PARD3B: variants seen among roughly 807,000 people sequenced by gnomAD.
PARD3B encodes par-3 family cell polarity regulator beta, also known as partitioning defective 3 homolog B.
PARD3B carries 103 observed loss-of-function variants against 130.2 expected under a neutral mutation model. That is an observed-to-expected ratio of 0.79 (90% CI 0.67 to 0.93). The LOEUF (loss-of-function observed/expected upper bound fraction) is 0.93, where lower values mean the gene tolerates loss of function less well. Ranked by LOEUF, PARD3B falls within the 40% of genes least tolerant of loss-of-function variation. The pLI is 0.00. For missense variants in PARD3B, 1,609 were observed against 1,499.2 expected (o/e 1.07, Z -1.21); for synonymous variants, 583 against 553.2 (o/e 1.05, Z -0.76).
At chr2:205,605,316 T>TTTGTTG in intron 22 of PARD3B, among the ~76,000 whole-genome samples, 1 of 152,260 alleles carries the variant, frequency 6.6e-6, no homozygotes, top group Non-Finnish European at 1.5e-5. Context: ...TCATCGTCTT[T>TTTGTTG]TTGTTGTTGT....
intron 2 of PARD3B, among the ~76,000 whole-genome samples, chr2:204,852,802 T>C (rs567325801): frequency 4.6e-5 from 7 of 152,302 alleles, no homozygotes; most frequent in East Asian, 1.9e-4. Context: ...ATTTATTTAA[T>C]TGAGATGGAA....
intron 4 of PARD3B, among the ~76,000 whole-genome samples, chr2:205,052,941 AG>A (rs1699334699): frequency 6.6e-6 from 1 of 152,112 alleles, no homozygotes; most frequent in South Asian, 2.1e-4. Flanking sequence ...AAACACCCTG[AG>A]GGGAAGTGTT....
intron 1 of PARD3B, among the ~76,000 whole-genome samples, chr2:204,619,718 A>G (rs1273121606): frequency 6.6e-6 from 1 of 152,186 alleles, no homozygotes; most frequent in Non-Finnish European, 1.5e-5. Context: ...TACACAAGCA[A>G]GAGTTAGAAG....
chr2:205,555,963 G>A (rs2052863689), intron 22 of PARD3B, among the ~76,000 whole-genome samples: 1 of 152,194 alleles, frequency 6.6e-6, no homozygotes, highest in African/African-American at 2.4e-5. Context: ...CGTACTGCTG[G>A]CTTCTGAAAA....
At position 205,454,071 on chromosome 2, in the gene PARD3B, A is replaced by G. The variant is rs555506360; in HGVS notation, c.3044+13399A>G. On this transcript the variant is annotated intron_variant, in intron 20 of 22. Transcript: ENST00000406610. ...ATGTATGTTTTGTGCAAAGCACCCT[A>G]CTCAAGGCTGCGGGGTACAAAAGTA... Among the ~76,000 whole-genome samples, 22 of 152,234 alleles carry G rather than the reference A, an allele frequency of 1.4e-4. 1 individual carries two copies. The highest frequency in any genetic ancestry group is 4.8e-4 in the African/African-American group (20 of 41,534).
intron 1 of PARD3B, among the ~76,000 whole-genome samples, chr2:204,565,825 GTCAA>G (rs1231945325): frequency 6.6e-6 from 1 of 152,100 alleles, no homozygotes; most frequent in South Asian, 2.1e-4. Context: ...AGCTCAGTCA[GTCAA>G]TCAATCAGAG....
intron 21 of PARD3B, among the ~76,000 whole-genome samples, chr2:205,521,453 A>C (rs1386133596): frequency 1.3e-5 from 2 of 152,002 alleles, no homozygotes; most frequent in African/African-American, 2.4e-5. Flanking sequence ...ACTTTGTGAT[A>C]CCTTAGAGCT....
Position 205,470,749 on chromosome 2 carries a change from G to T in PARD3B, c.3045-29147G>T, listed in dbSNP as rs7340493. Among the ~76,000 whole-genome samples, 1,626 of 152,274 alleles carry T rather than the reference G, an allele frequency of 0.011. 24 individuals carry two copies. The highest frequency in any genetic ancestry group is 0.035 in the African/African-American group (1,448 of 41,550). ...GGCCACTGCCCCTAGGAGTTGGATAGGATCCTCTGTGAGACAGGGCAGAGA... is the reference window on the plus strand; with the variant it reads ...GGCCACTGCCCCTAGGAGTTGGATATGATCCTCTGTGAGACAGGGCAGAGA... On this transcript the variant is annotated intron_variant, in intron 20 of 22. Coordinates refer to ENST00000406610, the MANE Select transcript of PARD3B (RefSeq NM_001302769.2). The surrounding 1 kb of genome is among the most constrained non-coding windows in gnomAD (Gnocchi z 4.8).
chr2:204,807,863 T>C (rs1030182740), intron 2 of PARD3B, among the ~76,000 whole-genome samples: 5 of 151,714 alleles, frequency 3.3e-5, no homozygotes, highest in Admixed American at 3.3e-4. Context: ...TTGGGGGTAG[T>C]GGGGATAGAA....
At chr2:205,515,372 G>GTTGT (rs1369201926) in intron 21 of PARD3B, among the ~76,000 whole-genome samples, 1 of 152,136 alleles carries the variant, frequency 6.6e-6, no homozygotes. Flanking sequence ...TAATGAGATT[G>GTTGT]TTGTTTGAAA....
chr2:205,618,184 A>G lies in PARD3B; in HGVS notation c.*2371A>G, dbSNP rs770301009. On this transcript the variant is annotated 3_prime_UTR_variant, in exon 23 of 23. Transcript: ENST00000406610. ...ATGTGAAGGTACTATTAAAGTGAAC[A>G]AAAACTAGATTGCAACAGTTTTCTT... 5.9e-5 allele frequency: 9 copies of G among 152,240 alleles called. No homozygotes were observed. Among genetic ancestry groups the G allele is most frequent in the Non-Finnish European group, 8.8e-5 (6 of 68,042 alleles). 9.4% of individuals were successfully genotyped at this position (152,240 alleles called of 1,614,324 possible).
Position 205,265,452 on chromosome 2 carries a change from A to G in PARD3B, c.2185+19630A>G, listed in dbSNP as rs537598609. Among the ~76,000 whole-genome samples the G allele has an allele frequency of 3.3e-5, 5 of 152,110 alleles. No individual in the cohort carries two copies. Among genetic ancestry groups the G allele is most frequent in the African/African-American group, 1.2e-4 (5 of 41,536 alleles). ...TTTGATGTGCTGATGTAATTTGGAC[A>G]TTGCTTTTCTGCCTACAAATGGGAC... On this transcript the variant is annotated intron_variant, in intron 16 of 22. Transcript: ENST00000406610. The surrounding 1 kb of genome is among the most constrained non-coding windows in gnomAD (Gnocchi z 4.3).
chr2:204,970,030 C>T (rs1188281230), intron 3 of PARD3B, among the ~76,000 whole-genome samples: 1 of 151,886 alleles, frequency 6.6e-6, no homozygotes, highest in African/African-American at 2.4e-5. Flanking sequence ...AATAGACTTT[C>T]TGATTTTTTA....
At chr2:205,159,825 C>T (rs989425645) in intron 11 of PARD3B, among the ~76,000 whole-genome samples, 1 of 152,220 alleles carries the variant, frequency 6.6e-6, no homozygotes, top group Admixed American at 6.5e-5. Context: ...TCAGTTTCCT[C>T]ATTTGTGAAA....
intron 11 of PARD3B, among the ~76,000 whole-genome samples, chr2:205,169,467 A>G (rs1328570030): frequency 6.6e-6 from 1 of 152,228 alleles, no homozygotes; most frequent in Admixed American, 6.5e-5. Flanking sequence ...AGATTTTACC[A>G]AAAGTTCTCC....
intron 4 of PARD3B, among the ~76,000 whole-genome samples, chr2:205,069,650 T>C (rs1192117584): frequency 6.6e-6 from 1 of 152,102 alleles, no homozygotes; most frequent in Admixed American, 6.6e-5. Context: ...CTGATACAAC[T>C]CTGTGGTCTT....
At chr2:204,666,035 A>C (rs1289890673) in intron 1 of PARD3B, among the ~76,000 whole-genome samples, 1 of 152,162 alleles carries the variant, frequency 6.6e-6, no homozygotes, top group Non-Finnish European at 1.5e-5. Context: ...GAATATGATG[A>C]TCTTTTCCAT....
Position 205,575,298 on chromosome 2 carries a change from A to T in PARD3B, c.3260+21895A>T, listed in dbSNP as rs372339460. 3.3e-5 allele frequency among the ~76,000 whole-genome samples: 5 copies of T among 152,182 alleles called. No individual in the cohort carries two copies. The East Asian group carries it at 9.7e-4, about 29-fold the overall frequency. On this transcript the variant is annotated intron_variant, in intron 22 of 22. Transcript: ENST00000406610. This position sits in a 1 kb window ranked among gnomAD's most constrained non-coding sequence, Gnocchi z 4.6. ...TCTCATAAACCTGCCACCTCAACAC[A>T]TGCGTAACTTCCCTCATTACCAACA...
At chr2:205,038,536 A>C (rs140468772) in intron 3 of PARD3B, among the ~76,000 whole-genome samples, 4 of 152,188 alleles carry the variant, frequency 2.6e-5, no homozygotes, top group Non-Finnish European at 5.9e-5. Flanking sequence ...AAAATGTGAA[A>C]ACTTTAATAG....
Sources: allele counts gnomAD v4.1 joint callset (sites outside exome capture counted in the v4.1 genomes callset), GRCh38; gene constraint gnomAD v4.1.1; non-coding constraint Gnocchi (gnomAD v3.1); transcripts MANE v1.5; gene names NCBI Gene and HGNC (gene_info 2026-07-23, HGNC 2026-07-21).